Variants in SIPA1L3 observed in about 807,000 individuals in gnomAD.
The protein encoded by SIPA1L3 is signal-induced proliferation-associated 1-like protein 3.
SIPA1L3 carries 59 observed loss-of-function variants against 150.1 expected under a neutral mutation model. The ratio of observed to expected loss-of-function variants is 0.39; its 90% CI spans 0.32 to 0.49. The LOEUF is 0.49. Among genes scored for constraint, SIPA1L3 ranks in the 20% least tolerant of loss-of-function variants. SIPA1L3 has a pLI of 0.86. For missense variants in SIPA1L3, 2,211 were observed against 2,489.5 expected, an observed-to-expected ratio of 0.89 and a Z score of 2.38; for synonymous variants, 1,070 against 1,077.6, an observed-to-expected ratio of 0.99 and a Z score of 0.14.
At chr19:38,126,314 C>G (rs997256340) in intron 9 of SIPA1L3, among the ~76,000 whole-genome samples, 88 of 152,192 alleles carry the variant, frequency 5.8e-4, no homozygotes, top group African/African-American at 2.1e-3. Flanking sequence ...GAGAAGGTCT[C>G]AAATCCACAG....
At position 38,100,058 on chromosome 19, in the gene SIPA1L3, T is replaced by C; in HGVS notation, c.1762T>C (p.Tyr588His). ...CCTGCCCTTGAAGGATGCCCTGGAG[T>C]ATGTCATCCCCGAGCTCAACATCCA... is the stretch of plus-strand genomic sequence containing the variant. ...RGLPLKDALE[Y>H]VIPELNIHCL... is the part of the protein sequence containing the mutation. The change falls in exon 5 of 22, where the codon TAT becomes CAT. Residue 588 changes from tyrosine to histidine, a missense_variant. Transcript: ENST00000222345. 1 of 1,611,824 alleles carries C rather than the reference T, an allele frequency of 6.2e-7. No homozygotes were observed.
At chr19:38,182,955 A>T (rs558459973) in intron 16 of SIPA1L3, 99 of 534,242 alleles carry the variant, frequency 1.9e-4, no homozygotes, top group African/African-American at 1.3e-3. Flanking sequence ...AAGTAGAATA[A>T]GAGAAGCACG....
intron 8 of SIPA1L3, among the ~76,000 whole-genome samples, chr19:38,118,773 A>G (rs923683962): frequency 6.6e-6 from 1 of 152,044 alleles, no homozygotes; most frequent in African/African-American, 2.4e-5. Context: ...ACCTCAGGTG[A>G]TCTGCCCGCC....
At chr19:38,000,907 TA>T (rs1568495899) in intron 1 of SIPA1L3, among the ~76,000 whole-genome samples, 6 of 112,662 alleles carry the variant, frequency 5.3e-5, no homozygotes, top group African/African-American at 2.2e-4. Context: ...TATATATATA[TA>T]TAACATATAT....
chr19:37,998,352 T>C (rs565230370), intron 1 of SIPA1L3, among the ~76,000 whole-genome samples: 15 of 152,278 alleles, frequency 9.9e-5, no homozygotes, highest in African/African-American at 3.4e-4. Context: ...TCCAGGAGTA[T>C]GTGGTAGGAC....
At chr19:38,126,460 A>G (rs572548457) in intron 9 of SIPA1L3, among the ~76,000 whole-genome samples, 2 of 152,260 alleles carry the variant, frequency 1.3e-5, no homozygotes, top group Non-Finnish European at 2.9e-5. Flanking sequence ...ACATTATGAC[A>G]TTGTGAGTTT....
In SIPA1L3 at chr19:38,025,218, C is replaced by T. The variant is rs79680536; in HGVS notation, c.-378-3871C>T. Among the ~76,000 whole-genome samples, 62 of 152,314 alleles carry T rather than the reference C, an allele frequency of 4.1e-4. No individual in the cohort carries two copies. The East Asian group carries it at 0.012, about 29-fold the overall frequency. ...AGGGGAGGAGACATTCAGGCCAGGA[C>T]GCCTTTCCCCCTTACATTATCTCAT... On this transcript the variant is annotated intron_variant, in intron 1 of 21. Coordinates refer to ENST00000222345, the MANE Select transcript of SIPA1L3 (RefSeq NM_015073.3).
At chr19:38,128,909 T>G (rs576665493) in intron 9 of SIPA1L3, among the ~76,000 whole-genome samples, 3 of 151,924 alleles carry the variant, frequency 2.0e-5, no homozygotes, top group African/African-American at 4.8e-5. Flanking sequence ...AAAAAAAAAT[T>G]TATTCCTTTC....
chr19:37,990,278 T>C (rs760420771), intron 1 of SIPA1L3, among the ~76,000 whole-genome samples: 1 of 152,184 alleles, frequency 6.6e-6, no homozygotes, highest in South Asian at 2.1e-4. Flanking sequence ...TGGGTCTCTT[T>C]TAGGCCTGGC....
chr19:38,000,979 AAC>A (rs147355941), intron 1 of SIPA1L3, among the ~76,000 whole-genome samples: 3,988 of 132,484 alleles, frequency 0.03, 143 homozygotes, highest in African/African-American at 0.085. Flanking sequence ...TAACATATAT[AAC>A]ACACATATAT....
intron 15 of SIPA1L3, among the ~76,000 whole-genome samples, chr19:38,178,761 C>T (rs1461932380): frequency 6.6e-6 from 1 of 152,156 alleles, no homozygotes; most frequent in Non-Finnish European, 1.5e-5. Context: ...CAGGCATGAG[C>T]TACCACACCC....
intron 2 of SIPA1L3, among the ~76,000 whole-genome samples, chr19:38,032,581 G>C (rs1168886377): frequency 1.3e-5 from 2 of 152,192 alleles, no homozygotes; most frequent in African/African-American, 2.4e-5. Context: ...GCTCACACCT[G>C]TAATCCCAAC....
intron 2 of SIPA1L3, among the ~76,000 whole-genome samples, chr19:38,062,693 G>A (rs1042722392): frequency 5.3e-5 from 8 of 152,008 alleles, no homozygotes; most frequent in Non-Finnish European, 7.4e-5. Context: ...TGATCTCAGC[G>A]CACTGTAACT....
chr19:38,152,815 G>A, intron 12 of SIPA1L3, 25 bp from the exon 13 acceptor site: 1 of 1,596,494 alleles, frequency 6.3e-7, no homozygotes, highest in African/African-American at 1.3e-5. Context: ...TTTAACCCTG[G>A]GCACGTTCTT....
At chr19:38,159,212 C>T (rs1021637274) in intron 13 of SIPA1L3, among the ~76,000 whole-genome samples, 1 of 152,240 alleles carries the variant, frequency 6.6e-6, no homozygotes, top group African/African-American at 2.4e-5. Flanking sequence ...TAGACCACAT[C>T]CAGCCAGGCC....
intron 20 of SIPA1L3, among the ~76,000 whole-genome samples, chr19:38,202,354 A>C (rs1209135655): frequency 6.6e-6 from 1 of 152,024 alleles, no homozygotes; most frequent in African/African-American, 2.4e-5. Flanking sequence ...TTGGGAGGCC[A>C]AGGTGGGTGG....
At chr19:38,200,077 TTTTAC>T (rs1437425341) in intron 19 of SIPA1L3, 1 of 152,048 alleles carries the variant, frequency 6.6e-6, no homozygotes, top group Non-Finnish European at 1.5e-5. Context: ...AAAAAATTTA[TTTTAC>T]TTATTTATTT....
chr19:38,049,333 G>A (rs1969134135), intron 2 of SIPA1L3, among the ~76,000 whole-genome samples: 1 of 152,130 alleles, frequency 6.6e-6, no homozygotes, highest in Non-Finnish European at 1.5e-5. Flanking sequence ...CAGCTTCCGG[G>A]GTTTGGAGCT....
At chr19:38,123,870 C>T (rs1372666312) in intron 9 of SIPA1L3, among the ~76,000 whole-genome samples, 2 of 103,522 alleles carry the variant, frequency 1.9e-5, no homozygotes, top group East Asian at 2.6e-4. Context: ...ACCTCCCGGA[C>T]AGGGCGGCTG....
Sources: allele counts gnomAD v4.1 joint callset (sites outside exome capture counted in the v4.1 genomes callset), GRCh38; gene constraint gnomAD v4.1.1; transcripts MANE v1.5; gene names NCBI Gene and HGNC (gene_info 2026-07-23, HGNC 2026-07-21).